FHIT: variants seen among roughly 807,000 people sequenced by gnomAD.
The protein encoded by FHIT is fragile histidine triad diadenosine triphosphatase, also known as bis(5'-adenosyl)-triphosphatase.
A neutral mutation model predicts 17.9 loss-of-function variants in FHIT; 19 were observed. That is an observed-to-expected ratio of 1.06 (90% CI 0.74 to 1.56). The LOEUF (loss-of-function observed/expected upper bound fraction) is 1.56. Ranked by LOEUF, FHIT falls within the 40% of genes most tolerant of loss-of-function variation. FHIT has a pLI of 0.00. For synonymous variants in FHIT, 81 were observed against 69.7 expected (o/e 1.16, Z -0.81); for missense variants, 248 against 189.2 (o/e 1.31, Z -1.82).
intron 3 of FHIT, among the ~76,000 whole-genome samples, chr3:60,921,209 T>C (rs535178793): frequency 2.6e-5 from 4 of 152,302 alleles, no homozygotes; most frequent in African/African-American, 9.6e-5. Context: ...CATTTTTCGG[T>C]ATGGCTGAAC....
At chr3:60,225,933 T>C (rs1327477040) in intron 5 of FHIT, among the ~76,000 whole-genome samples, 1 of 152,120 alleles carries the variant, frequency 6.6e-6, no homozygotes, top group Non-Finnish European at 1.5e-5. Flanking sequence ...AAAACAGTCA[T>C]TTCAACATTT....
At chr3:61,249,551 A>G (rs1375954571) in intron 1 of FHIT, among the ~76,000 whole-genome samples, 4 of 152,174 alleles carry the variant, frequency 2.6e-5, no homozygotes, top group African/African-American at 9.7e-5. Flanking sequence ...GAGACTGTTA[A>G]GCAGAAGGGC....
intron 5 of FHIT, among the ~76,000 whole-genome samples, chr3:60,472,395 G>T (rs1305733080): frequency 7.3e-6 from 1 of 136,890 alleles, no homozygotes. Flanking sequence ...TTGAGACGAA[G>T]TCTTGCTTTG....
At chr3:61,054,664 C>A (rs2034152072) in intron 2 of FHIT, among the ~76,000 whole-genome samples, 1 of 152,166 alleles carries the variant, frequency 6.6e-6, no homozygotes, top group Non-Finnish European at 1.5e-5. Context: ...CATTCCCTTC[C>A]CTGCACAGTT....
At chr3:61,101,520 T>A (rs572600907) in intron 2 of FHIT, among the ~76,000 whole-genome samples, 6 of 152,204 alleles carry the variant, frequency 3.9e-5, no homozygotes, top group Admixed American at 2.6e-4. Flanking sequence ...TTCTTTTGCT[T>A]AGGATTGTCT....
intron 5 of FHIT, among the ~76,000 whole-genome samples, chr3:60,434,980 T>C (rs935038860): frequency 6.6e-6 from 1 of 152,164 alleles, no homozygotes; most frequent in African/African-American, 2.4e-5. Flanking sequence ...GTATCAAAGA[T>C]CTTCTTTTTT....
chr3:59,805,647 A>G (rs1425459757), intron 8 of FHIT, among the ~76,000 whole-genome samples: 2 of 152,184 alleles, frequency 1.3e-5, no homozygotes, highest in African/African-American at 2.4e-5. Context: ...CTAACTGTAG[A>G]AATGGAATGG....
chr3:60,455,749 G>C (rs549768163), intron 5 of FHIT, among the ~76,000 whole-genome samples: 1 of 152,132 alleles, frequency 6.6e-6, no homozygotes, highest in African/African-American at 2.4e-5. Context: ...TGACTTCCCT[G>C]CTTGATTTGT....
chr3:60,562,900 T>C (rs1347914382), intron 4 of FHIT, among the ~76,000 whole-genome samples: 8 of 152,198 alleles, frequency 5.3e-5, no homozygotes, highest in Non-Finnish European at 1.2e-4. Context: ...TGCTATTTAT[T>C]GGAGGTCCTC....
intron 5 of FHIT, among the ~76,000 whole-genome samples, chr3:60,299,795 T>A (rs542490253): frequency 6.6e-6 from 1 of 152,176 alleles, no homozygotes; most frequent in East Asian, 1.9e-4. Context: ...CCAGTGACGA[T>A]AGTAGTTTTG....
chr3:59,969,561 A>AAAAC lies in FHIT; in HGVS notation c.279+41806_279+41809dup, dbSNP rs201833369. Among the ~76,000 whole-genome samples the AAAAC allele has an allele frequency of 3.5e-3, 540 of 152,288 alleles. 6 individuals carry two copies. Among genetic ancestry groups the AAAAC allele is most frequent in the African/African-American group, 0.012 (510 of 41,574 alleles). The stretch of plus-strand genomic sequence containing the variant: ...AATTTGGCTCTGGTAAAAACAAAAC[A>AAAAC]AAACAAACAAACAAACACTAATGGG... On this transcript the variant is annotated intron_variant, in intron 7 of 9. Transcript: ENST00000492590.
At chr3:60,812,879 A>G (rs1701616224) in intron 4 of FHIT, among the ~76,000 whole-genome samples, 2 of 152,180 alleles carry the variant, frequency 1.3e-5, no homozygotes, top group Admixed American at 1.3e-4. Flanking sequence ...ACAACATAGT[A>G]TGAACCTCTT....
At chr3:59,873,882 C>T (rs1363798277) in intron 8 of FHIT, among the ~76,000 whole-genome samples, 1 of 152,146 alleles carries the variant, frequency 6.6e-6, no homozygotes, top group Non-Finnish European at 1.5e-5. Flanking sequence ...CTTAAATCTC[C>T]CGAGACAGCA....
chr3:60,413,032 G>T (rs528755619), intron 5 of FHIT, among the ~76,000 whole-genome samples: 7 of 152,238 alleles, frequency 4.6e-5, no homozygotes, highest in Middle Eastern at 3.4e-3. Context: ...TTTCTTTACA[G>T]ATTACACAGT....
chr3:60,576,745 G>C (rs1003500623), intron 4 of FHIT, among the ~76,000 whole-genome samples: 1 of 152,064 alleles, frequency 6.6e-6, no homozygotes, highest in African/African-American at 2.4e-5. Flanking sequence ...ACAATCAGCC[G>C]GGGCAGGGGA....
intron 4 of FHIT, among the ~76,000 whole-genome samples, chr3:60,598,417 G>C (rs2038339166): frequency 6.6e-6 from 1 of 152,108 alleles, no homozygotes. Context: ...AAAATGAATA[G>C]GGTTATAATA....
chr3:61,217,481 C>T lies in FHIT; in HGVS notation c.-212-16816G>A, dbSNP rs564991205. ...CTTGAGTCTCCTCACAACATGGTGG[C>T]TGAGTTCCAAAGACGAGTTCTGAGA... On this transcript the variant is annotated intron_variant, in intron 1 of 9. Coordinates refer to ENST00000492590, the MANE Select transcript of FHIT (RefSeq NM_002012.4). 1.6e-4 allele frequency among the ~76,000 whole-genome samples: 24 copies of T among 152,276 alleles called. No homozygotes were observed. In the East Asian group the frequency reaches 4.4e-3, roughly 28 times the overall value.
intron 3 of FHIT, among the ~76,000 whole-genome samples, chr3:60,935,365 G>A (rs1363691793): frequency 6.6e-6 from 1 of 152,154 alleles, no homozygotes; most frequent in Non-Finnish European, 1.5e-5. Flanking sequence ...AGGTACACAT[G>A]TTTAAAAGGG....
intron 7 of FHIT, among the ~76,000 whole-genome samples, chr3:59,938,774 T>A (rs1446064923): frequency 1.3e-5 from 2 of 152,168 alleles, no homozygotes; most frequent in Admixed American, 6.5e-5. Flanking sequence ...AAATATACAT[T>A]GTAAAATATA....
Sources: allele counts gnomAD v4.1 joint callset (sites outside exome capture counted in the v4.1 genomes callset), GRCh38; gene constraint gnomAD v4.1.1; transcripts MANE v1.5; gene names NCBI Gene and HGNC (gene_info 2026-07-23, HGNC 2026-07-21).